MAP2K5: variants seen among roughly 807,000 people sequenced by gnomAD.
The protein encoded by MAP2K5 is dual specificity mitogen-activated protein kinase kinase 5.
Under a neutral mutation model 83.1 loss-of-function variants are expected in MAP2K5, and 49 were observed. The observed-to-expected ratio is 0.59, with a 90% CI of 0.47 to 0.75. The LOEUF (loss-of-function observed/expected upper bound fraction) is 0.75. MAP2K5 is among the 30% of genes least tolerant of loss of function. The probability of loss-of-function intolerance (pLI) is 0.00; values close to 1 mark genes in which losing one functional copy is unlikely to be tolerated. For missense variants in MAP2K5, 457 were observed against 557.5 expected, an observed-to-expected ratio of 0.82 and a Z score of 1.82; for synonymous variants, 202 against 191.8, an observed-to-expected ratio of 1.05 and a Z score of -0.44.
In MAP2K5 at chr15:67,785,063, C is replaced by T. The variant is rs1362462408; in HGVS notation, c.1242+12311C>T. On this transcript the variant is annotated intron_variant, in intron 21 of 21. Coordinates refer to ENST00000178640, the MANE Select transcript of MAP2K5 (RefSeq NM_145160.3). This position sits in a 1 kb window ranked among gnomAD's most constrained non-coding sequence, Gnocchi z 4.4. Reference sequence around the variant, plus strand: ...CAGGTGATCCTCCTACCTCAGCACCCGCCCTTCCTTGAGTAGCTGAGACTA... The same window carrying T: ...CAGGTGATCCTCCTACCTCAGCACCTGCCCTTCCTTGAGTAGCTGAGACTA... 2.0e-5 allele frequency among the ~76,000 whole-genome samples: 3 copies of T among 151,988 alleles called. No homozygotes were observed. Among genetic ancestry groups the T allele is most frequent in the East Asian group, 3.9e-4 (2 of 5,174 alleles).
At chr15:67,650,514 A>AG (rs1352689406) in intron 11 of MAP2K5, among the ~76,000 whole-genome samples, 1 of 15,906 alleles carries the variant, frequency 6.3e-5, no homozygotes. Flanking sequence ...TAGTTTGTTG[A>AG]GTTTTTTTTT....
At chr15:67,731,260 C>T (rs1265370434) in intron 17 of MAP2K5, among the ~76,000 whole-genome samples, 1 of 152,142 alleles carries the variant, frequency 6.6e-6, no homozygotes, top group Non-Finnish European at 1.5e-5. Flanking sequence ...ATTAGCAGCC[C>T]CTCTTCCTGC....
chr15:67,743,003 A>G (rs1019562909), intron 17 of MAP2K5, among the ~76,000 whole-genome samples: 3 of 152,192 alleles, frequency 2.0e-5, no homozygotes, highest in African/African-American at 7.2e-5. Flanking sequence ...ATTGTCCTTG[A>G]TACTCAGGAA....
At chr15:67,582,059 CTTTTTTTTT>C (rs944586636) in intron 4 of MAP2K5, among the ~76,000 whole-genome samples, 3 of 122,736 alleles carry the variant, frequency 2.4e-5, no homozygotes, top group African/African-American at 8.9e-5. Context: ...TAGATGATTT[CTTTTTTTTT>C]TTTTTTTTTT....
chr15:67,611,421 C>T (rs910506842), intron 8 of MAP2K5, among the ~76,000 whole-genome samples: 2 of 152,074 alleles, frequency 1.3e-5, no homozygotes, highest in African/African-American at 4.8e-5. Context: ...GGTAACTGAC[C>T]GAAGGGGCAA....
chr15:67,723,807 T>C (rs1596860004), intron 16 of MAP2K5, among the ~76,000 whole-genome samples: 1 of 152,190 alleles, frequency 6.6e-6, no homozygotes, highest in East Asian at 1.9e-4. Context: ...TTTGTAAAGA[T>C]GATAAAGAGA....
chr15:67,618,304 G>GTT (rs369849912), intron 8 of MAP2K5, among the ~76,000 whole-genome samples: 77 of 152,254 alleles, frequency 5.1e-4, no homozygotes, highest in African/African-American at 1.8e-3. Context: ...GGGGTCTGTT[G>GTT]TTAGCTTACT....
rs993838033 is a variant in MAP2K5, at chr15:67,676,681, A to G, written c.847+12036A>G. ...TGTGCTACAGTGTTAGCTCTCTTGT[A>G]TGTATAATTTTATTTAATTGTTATA... On this transcript the variant is annotated intron_variant, in intron 13 of 21. Transcript: ENST00000178640. This position sits in a 1 kb window ranked among gnomAD's most constrained non-coding sequence, Gnocchi z 4.8. Among the ~76,000 whole-genome samples, 3 of 152,192 alleles carry G rather than the reference A, an allele frequency of 2.0e-5. No homozygotes were observed. The highest frequency in any genetic ancestry group is 2.9e-5 in the Non-Finnish European group (2 of 68,040).
chr15:67,659,449 A>G, intron 12 of MAP2K5: 1 of 152,172 alleles, frequency 6.6e-6, no homozygotes, highest in Admixed American at 6.6e-5. Flanking sequence ...GTCTTAGTTC[A>G]TTGTAATTCA....
In MAP2K5 at chr15:67,559,865, A is replaced by C. The variant is rs1390624065; in HGVS notation, c.185-3418A>C. 1.3e-5 allele frequency among the ~76,000 whole-genome samples: 2 copies of C among 152,202 alleles called. No individual in the cohort carries two copies. The highest frequency in any genetic ancestry group is 2.4e-5 in the African/African-American group (1 of 41,444). The stretch of plus-strand genomic sequence containing the variant: ...TTTGGTCAGATGGCAAAGAACCTCC[A>C]TGTATAAGATAGAAAAAGCTCAAAT... On this transcript the variant is annotated intron_variant, in intron 2 of 21. Coordinates refer to ENST00000178640, the MANE Select transcript of MAP2K5 (RefSeq NM_145160.3). The surrounding 1 kb of genome is among the most constrained non-coding windows in gnomAD (Gnocchi z 4.7).
At chr15:67,710,169 A>G (rs1007380875) in intron 16 of MAP2K5, among the ~76,000 whole-genome samples, 2 of 152,106 alleles carry the variant, frequency 1.3e-5, no homozygotes, top group African/African-American at 2.4e-5. Flanking sequence ...TGAAAGCCCC[A>G]TCTTTAGCAT....
At chr15:67,701,596 G>A (rs1457708925) in intron 15 of MAP2K5, among the ~76,000 whole-genome samples, 3 of 152,134 alleles carry the variant, frequency 2.0e-5, no homozygotes, top group African/African-American at 7.2e-5. Context: ...AGAAGAGGAA[G>A]GCAGGGAGAT....
At position 67,562,782 on chromosome 15, in the gene MAP2K5, A is replaced by G. The variant is rs191278492; in HGVS notation, c.185-501A>G. 1.8e-4 allele frequency among the ~76,000 whole-genome samples: 27 copies of G among 152,340 alleles called. No homozygotes were observed. The highest frequency in any genetic ancestry group is 6.5e-4 in the African/African-American group (27 of 41,578). On this transcript the variant is annotated intron_variant, in intron 2 of 21. Transcript: ENST00000178640. The surrounding 1 kb of genome is among the most constrained non-coding windows in gnomAD (Gnocchi z 4.1). Reference sequence around the variant, plus strand: ...TCGCAGGTTTGTTATGAGGTTTTCAAGGAGGTATTGCATATGAAGCATAGA... The same window carrying G: ...TCGCAGGTTTGTTATGAGGTTTTCAGGGAGGTATTGCATATGAAGCATAGA...
chr15:67,805,514 G>C (rs915457423), intron 21 of MAP2K5, among the ~76,000 whole-genome samples: 48 of 152,344 alleles, frequency 3.2e-4, no homozygotes, highest in African/African-American at 1.0e-3. Flanking sequence ...CAAGGCTGGG[G>C]TGTGCTGGGA....
chr15:67,561,427 G>A lies in MAP2K5; in HGVS notation c.185-1856G>A, dbSNP rs1254801666. 6.6e-6 allele frequency among the ~76,000 whole-genome samples: 1 copy of A among 152,190 alleles called. No homozygotes were observed. Among genetic ancestry groups the A allele is most frequent in the Non-Finnish European group, 1.5e-5 (1 of 68,042 alleles). ...GATTCTATATCTAAAGCGAATGAAA[G>A]AATCTTTATGTGTGTAACATCTCTC... is the stretch of plus-strand genomic sequence containing the variant. On this transcript the variant is annotated intron_variant, in intron 2 of 21. Transcript: ENST00000178640. This position sits in a 1 kb window ranked among gnomAD's most constrained non-coding sequence, Gnocchi z 4.2.
At chr15:67,689,659 G>A (rs1393898557) in intron 13 of MAP2K5, among the ~76,000 whole-genome samples, 1 of 152,198 alleles carries the variant, frequency 6.6e-6, no homozygotes, top group Non-Finnish European at 1.5e-5. Flanking sequence ...AAAGATGTTG[G>A]AAAGCTGGAA....
chr15:67,724,991 G>A lies in MAP2K5; in HGVS notation c.1045-2925G>A, dbSNP rs2089056795. Among the ~76,000 whole-genome samples, 1 of 152,226 alleles carries A rather than the reference G, an allele frequency of 6.6e-6. No individual in the cohort carries two copies. Among genetic ancestry groups the A allele is most frequent in the African/African-American group, 2.4e-5 (1 of 41,460 alleles). On this transcript the variant is annotated intron_variant, in intron 16 of 21. Coordinates refer to ENST00000178640, the MANE Select transcript of MAP2K5 (RefSeq NM_145160.3). The surrounding 1 kb of genome is among the most constrained non-coding windows in gnomAD (Gnocchi z 4.4). ...TCTAAAGAGGTCAGACCTGCAAGAT[G>A]TCTTACAAGCAGTCCTCCCAGGAAC...
intron 15 of MAP2K5, among the ~76,000 whole-genome samples, chr15:67,700,575 G>A (rs553929969): frequency 6.6e-6 from 1 of 152,222 alleles, no homozygotes; most frequent in South Asian, 2.1e-4. Context: ...GGCCACCTTG[G>A]CTTCAAGTGT....
intron 3 of MAP2K5, among the ~76,000 whole-genome samples, chr15:67,571,071 G>A (rs143749802): frequency 1.2e-4 from 19 of 152,188 alleles, no homozygotes; most frequent in African/African-American, 4.3e-4. Flanking sequence ...TCGTTACTAT[G>A]TCTATATCAG....
Sources: allele counts gnomAD v4.1 joint callset (sites outside exome capture counted in the v4.1 genomes callset), GRCh38; gene constraint gnomAD v4.1.1; non-coding constraint Gnocchi (gnomAD v3.1); transcripts MANE v1.5; gene names NCBI Gene and HGNC (gene_info 2026-07-23, HGNC 2026-07-21).